The following SYNJ2 variants were observed in gnomAD, a reference collection of about 807,000 sequenced individuals.
The protein encoded by SYNJ2 is synaptojanin 2, also known as polyphosphatidylinositol phosphatase SYNJ2.
A neutral mutation model predicts 141.3 loss-of-function variants in SYNJ2; 116 were observed. The observed-to-expected ratio is 0.82, with a 90% confidence interval of 0.71 to 0.96. SYNJ2 has a LOEUF of 0.96. Among genes scored for constraint, SYNJ2 ranks in the 40% least tolerant of loss-of-function variants. The probability of loss-of-function intolerance (pLI) is 0.00; values close to 1 mark genes in which losing one functional copy is unlikely to be tolerated. For synonymous variants in SYNJ2, 745 were observed against 777.7 expected, an observed-to-expected ratio of 0.96 and a Z score of 0.70; for missense variants, 1,873 against 1,934.8, an observed-to-expected ratio of 0.97 and a Z score of 0.60.
At chr6:158,061,357 C>G (rs889111550) in intron 7 of SYNJ2, among the ~76,000 whole-genome samples, 2 of 152,194 alleles carry the variant, frequency 1.3e-5, no homozygotes, top group Admixed American at 6.5e-5. Flanking sequence ...GCCAGGGAAG[C>G]CTCATATGGA....
At position 158,033,502 on chromosome 6, in the gene SYNJ2, G is replaced by C; in HGVS notation, c.533G>C (p.Cys178Ser). ...TTGAGGCAGCACCAGGTGAGCTGCT[G>C]TGACTGGCTGCTGAAGATCATCTGC... Reference protein sequence around the residue: ...VPLRQHQVSCCDWLLKIICGV... With the variant: ...VPLRQHQVSCSDWLLKIICGV... The change falls in exon 4 of 27, where the codon TGT becomes TCT. Residue 178 changes from cysteine (C) to serine (S), a missense_variant. Cys to Ser is a moderately radical substitution (Grantham distance 112). Transcript: ENST00000355585. The C allele has an allele frequency of 6.2e-7, 1 of 1,614,238 alleles. No individual in the cohort carries two copies. Among genetic ancestry groups the C allele is most frequent in the Non-Finnish European group, 8.5e-7 (1 of 1,180,046 alleles).
chr6:158,059,249 C>T lies in SYNJ2; in HGVS notation c.858-8C>T, dbSNP rs1165580895. On this transcript the variant is annotated splice_polypyrimidine_tract_variant and splice_region_variant and intron_variant, in intron 6 of 26. Transcript: ENST00000355585. Reference sequence around the variant, plus strand: ...CCCAGCATCACGCCCACCCCGCTGCCTTTGCAGGCACATGGTGCTTCTGAA... The same window carrying T: ...CCCAGCATCACGCCCACCCCGCTGCTTTTGCAGGCACATGGTGCTTCTGAA... The T allele has an allele frequency of 4.5e-6, 7 of 1,547,220 alleles. No individual in the cohort carries two copies. The highest frequency in any genetic ancestry group is 6.1e-6 in the Non-Finnish European group (7 of 1,145,954).
chr6:158,062,273 C>T (rs1194619663), intron 8 of SYNJ2, 109 bp downstream of exon 8: 36 of 1,532,730 alleles, frequency 2.3e-5, no homozygotes, highest in East Asian at 4.5e-5. Context: ...GCAGAGGGGC[C>T]GTGCAGTCTA....
chr6:158,010,637 C>G (rs1033657082), intron 1 of SYNJ2, among the ~76,000 whole-genome samples: 1 of 152,216 alleles, frequency 6.6e-6, no homozygotes. Context: ...TGAAGCCTAA[C>G]CCCCGGGACC....
In SYNJ2 at chr6:157,982,317, G is replaced by A. The variant is rs1194839431; in HGVS notation, c.127+229G>A. 6.6e-6 allele frequency among the ~76,000 whole-genome samples: 1 copy of A among 152,210 alleles called. No homozygotes were observed. The highest frequency in any genetic ancestry group is 1.5e-5 in the Non-Finnish European group (1 of 68,024). ...ACGGAGGCCGGCCGCCCCTCCACGGGGATCTCCGGCCCGCGCCGCCAGAGG... is the reference window on the plus strand; with the variant it reads ...ACGGAGGCCGGCCGCCCCTCCACGGAGATCTCCGGCCCGCGCCGCCAGAGG... On this transcript the variant is annotated intron_variant, in intron 1 of 26. Transcript: ENST00000355585. The surrounding 1 kb of genome is among the most constrained non-coding windows in gnomAD (Gnocchi z 4.0).
intron 5 of SYNJ2, among the ~76,000 whole-genome samples, chr6:158,050,318 G>A (rs1780498243): frequency 1.3e-5 from 2 of 152,228 alleles, no homozygotes; most frequent in African/African-American, 4.8e-5. Flanking sequence ...CCAGGACTTC[G>A]CATTTCTAAC....
At chr6:158,053,389 T>C (rs372613236) in intron 5 of SYNJ2, among the ~76,000 whole-genome samples, 39 of 152,344 alleles carry the variant, frequency 2.6e-4, no homozygotes, top group African/African-American at 8.9e-4. Context: ...CAACAGATAA[T>C]TTTTGCTGAA....
At chr6:158,001,461 A>C (rs1777856261) in intron 1 of SYNJ2, 1 of 141,304 alleles carries the variant, frequency 7.1e-6, no homozygotes, top group Non-Finnish European at 1.5e-5. Flanking sequence ...CAATGGCACG[A>C]TCTCGGCTCA....
chr6:158,076,363 A>G (rs149567892), intron 16 of SYNJ2, among the ~76,000 whole-genome samples: 1,566 of 152,274 alleles, frequency 0.01, 29 homozygotes, highest in African/African-American at 0.035. Context: ...CTGGGGGGCA[A>G]CAAGAAGACA....
intron 16 of SYNJ2, among the ~76,000 whole-genome samples, chr6:158,076,229 T>C (rs781240240): frequency 6.6e-6 from 1 of 152,116 alleles, no homozygotes; most frequent in Non-Finnish European, 1.5e-5. Flanking sequence ...CGCTTCTATG[T>C]ACTTAGCTCA....
Position 158,027,348 on chromosome 6 carries a change from T to C in SYNJ2, c.215-1408T>C, listed in dbSNP as rs1009758393. On this transcript the variant is annotated intron_variant, in intron 2 of 26. Transcript: ENST00000355585. This position sits in a 1 kb window ranked among gnomAD's most constrained non-coding sequence, Gnocchi z 4.6. The stretch of plus-strand genomic sequence containing the variant: ...GGGGTGGGAAGAGTGTCCTTGGGAC[T>C]AGAGCCCTGCCAGACCCCAAAGGCC... 4 of 388,580 alleles carry C rather than the reference T, an allele frequency of 1.0e-5. No homozygotes were observed. The highest frequency in any genetic ancestry group is 1.4e-5 in the Non-Finnish European group (4 of 284,230). 24.1% of individuals were successfully genotyped at this position (388,580 alleles called of 1,614,324 possible).
chr6:158,076,828 A>G, intron 17 of SYNJ2, 46 bp downstream of exon 17: 1 of 1,568,018 alleles, frequency 6.4e-7, no homozygotes, highest in Non-Finnish European at 8.6e-7. Context: ...GGTGAATAAG[A>G]AATGCGACGG....
chr6:157,998,200 G>T (rs889504241), intron 1 of SYNJ2, among the ~76,000 whole-genome samples: 1 of 152,218 alleles, frequency 6.6e-6, no homozygotes, highest in Non-Finnish European at 1.5e-5. Context: ...TGTCCTTCTG[G>T]TCACTAGCTC....
In SYNJ2 at chr6:158,059,304, A is replaced by G. The variant is rs1316305697; in HGVS notation, c.905A>G (p.Asn302Ser). 1.2e-5 allele frequency: 18 copies of G among 1,550,960 alleles called. No homozygotes were observed. Among genetic ancestry groups the G allele is most frequent in the Non-Finnish European group, 1.5e-5 (17 of 1,146,974 alleles). ...CAGTACGGGCAGCAGGTGGTCGTGA[A>G]CCTTCTGGGAAGCAGAGGCGGAGAG... ...KEQYGQQVVV[N>S]LLGSRGGEEV... is the part of the protein sequence containing the mutation. Residue 302 changes from asparagine (N) to serine (S), a missense_variant, in exon 7 of 27, where the codon AAC (asparagine) becomes AGC (serine). Physicochemically the swap from Asn to Ser is conservative, Grantham distance 46 (BLOSUM62 1). Coordinates refer to ENST00000355585, the MANE Select transcript of SYNJ2 (RefSeq NM_003898.4).
Position 158,028,956 on chromosome 6 carries a change from C to G in SYNJ2, c.415C>G (p.Arg139Gly). The change falls in exon 3 of 27, where the codon CGC becomes GGC. Residue 139 changes from arginine to glycine, a missense_variant. Transcript: ENST00000355585. ...TTTCTCATGGCCAAACGATGGGTCT[C>G]GCTTTGACCTGACTGTCCGCACGCA... ...FYFSWPNDGSRFDLTVRTQKQ... is the reference protein window; with the variant it reads ...FYFSWPNDGSGFDLTVRTQKQ... The G allele has an allele frequency of 6.2e-7, 1 of 1,613,938 alleles. No individual in the cohort carries two copies. The highest frequency in any genetic ancestry group is 1.1e-5 in the South Asian group (1 of 91,072).
At chr6:158,092,449 T>C (rs1165351649) in intron 25 of SYNJ2, among the ~76,000 whole-genome samples, 1 of 152,170 alleles carries the variant, frequency 6.6e-6, no homozygotes, top group Admixed American at 6.5e-5. Flanking sequence ...GAGACAAGTC[T>C]GGGCAACACA....
chr6:158,066,484 C>T lies in SYNJ2; in HGVS notation c.1566C>T (p.Ser522=), dbSNP rs368332107. The change falls in exon 12 of 27, where the codon TCC becomes TCT. Residue 522 remains serine (S), a synonymous_variant. Coordinates refer to ENST00000355585, the MANE Select transcript of SYNJ2 (RefSeq NM_003898.4). ...RILKAMTERQ[S]EFTNFKRIRI... ...TGAAAGCTATGACTGAGCGTCAGTCCGAATTCACAAATTTCAAGCGGATCC... is the reference window on the plus strand; with the variant it reads ...TGAAAGCTATGACTGAGCGTCAGTCTGAATTCACAAATTTCAAGCGGATCC... 6.8e-6 allele frequency: 11 copies of T among 1,614,020 alleles called. No individual in the cohort carries two copies. Among genetic ancestry groups the T allele is most frequent in the Admixed American group, 1.7e-5 (1 of 59,990 alleles).
chr6:158,091,977 T>A (rs1340130087), intron 25 of SYNJ2, among the ~76,000 whole-genome samples: 4 of 152,048 alleles, frequency 2.6e-5, no homozygotes, highest in Non-Finnish European at 5.9e-5. Context: ...GGCTTCTTTT[T>A]TGTGTGATGA....
intron 1 of SYNJ2, among the ~76,000 whole-genome samples, chr6:158,004,429 A>G (rs187970289): frequency 6.6e-6 from 1 of 152,312 alleles, no homozygotes; most frequent in Admixed American, 6.5e-5. Flanking sequence ...GCATGCTAAG[A>G]GACACTCGCA....
Sources: gnomAD v4.1 joint callset for allele counts (sites outside exome capture counted in the v4.1 genomes callset) on GRCh38, gnomAD v4.1.1 for gene constraint, Gnocchi (gnomAD v3.1) non-coding constraint, MANE v1.5 for transcripts, NCBI Gene and HGNC (gene_info 2026-07-23, HGNC 2026-07-21) for gene names.